Variants in PKP4 observed in about 807,000 individuals in gnomAD.
The protein encoded by PKP4 is plakophilin 4.
Under a neutral mutation model 145.1 loss-of-function variants are expected in PKP4, and 90 were observed. That is an observed-to-expected ratio of 0.62 (90% confidence interval 0.52 to 0.74). The LOEUF (loss-of-function observed/expected upper bound fraction) is 0.74, where lower values mean the gene tolerates loss of function less well. Ranked by LOEUF, PKP4 falls within the 30% of genes least tolerant of loss-of-function variation. The pLI, the probability that PKP4 is intolerant of heterozygous loss-of-function variation, is 0.00. For missense variants in PKP4, 1,340 were observed against 1,482.7 expected (o/e 0.90, Z 1.58); for synonymous variants, 563 against 577.2 (o/e 0.98, Z 0.35).
At chr2:158,530,648 A>C (rs1041468936) in intron 1 of PKP4, among the ~76,000 whole-genome samples, 9 of 151,730 alleles carry the variant, frequency 5.9e-5, no homozygotes, top group Non-Finnish European at 1.2e-4. Flanking sequence ...AAACCTTCAT[A>C]GGTTTATAAC....
At chr2:158,663,243 C>T in intron 14 of PKP4, 29 bp from the exon 15 acceptor site, 1 of 1,602,548 alleles carries the variant, frequency 6.2e-7, no homozygotes, top group Non-Finnish European at 8.5e-7. Flanking sequence ...CATTCTGCCT[C>T]CATTTAACGT....
chr2:158,595,132 A>T (rs1224288538), intron 3 of PKP4, among the ~76,000 whole-genome samples: 1 of 152,208 alleles, frequency 6.6e-6, no homozygotes, highest in Non-Finnish European at 1.5e-5. Flanking sequence ...TTCCCGGGCA[A>T]TCCTTACCTG....
At chr2:158,592,445 A>G (rs1319442925) in intron 3 of PKP4, among the ~76,000 whole-genome samples, 1 of 152,114 alleles carries the variant, frequency 6.6e-6, no homozygotes, top group Admixed American at 6.6e-5. Flanking sequence ...CTTCTGCACT[A>G]AAACAGCTAT....
At chr2:158,612,128 C>CA (rs2051203513) in intron 4 of PKP4, among the ~76,000 whole-genome samples, 1 of 151,834 alleles carries the variant, frequency 6.6e-6, no homozygotes, top group Non-Finnish European at 1.5e-5. Flanking sequence ...CACACACACA[C>CA]ACACATAATG....
chr2:158,584,794 A>G (rs1465253644), intron 3 of PKP4, among the ~76,000 whole-genome samples: 1 of 152,212 alleles, frequency 6.6e-6, no homozygotes, highest in Non-Finnish European at 1.5e-5. Context: ...TCAAAACTAT[A>G]ACTGTTCTTG....
chr2:158,556,017 C>T (rs150444133), intron 2 of PKP4, among the ~76,000 whole-genome samples: 1 of 152,244 alleles, frequency 6.6e-6, no homozygotes, highest in East Asian at 1.9e-4. Flanking sequence ...TCATAATTAA[C>T]AGTGAACGAT....
At chr2:158,482,306 A>G (rs1051082541) in intron 1 of PKP4, among the ~76,000 whole-genome samples, 15 of 152,088 alleles carry the variant, frequency 9.9e-5, no homozygotes, top group Non-Finnish European at 1.8e-4. Context: ...CCCTGCCTCC[A>G]TTCTTTCCCT....
chr2:158,574,076 T>A (rs907367699), intron 2 of PKP4, among the ~76,000 whole-genome samples: 24 of 152,278 alleles, frequency 1.6e-4, no homozygotes, highest in African/African-American at 5.8e-4. Context: ...CTCTTAATTC[T>A]CTCTCAAAGA....
chr2:158,525,982 G>C (rs776357977), intron 1 of PKP4, among the ~76,000 whole-genome samples: 5,492 of 150,992 alleles, frequency 0.036, 230 homozygotes, highest in African/African-American at 0.1. Flanking sequence ...TGAAATTGTG[G>C]CAATAATCAA....
At chr2:158,564,922 T>G (rs1199958798) in intron 2 of PKP4, among the ~76,000 whole-genome samples, 1 of 152,180 alleles carries the variant, frequency 6.6e-6, no homozygotes, top group Non-Finnish European at 1.5e-5. Context: ...TTTATTTGAT[T>G]TGAGAAGAAT....
chr2:158,561,908 C>G (rs1343152540), intron 2 of PKP4, among the ~76,000 whole-genome samples: 1 of 151,742 alleles, frequency 6.6e-6, no homozygotes, highest in Non-Finnish European at 1.5e-5. Flanking sequence ...GGTATTTCTC[C>G]CAATGCCATC....
chr2:158,531,791 A>G (rs1392367292), intron 1 of PKP4, among the ~76,000 whole-genome samples: 2 of 152,214 alleles, frequency 1.3e-5, no homozygotes, highest in African/African-American at 4.8e-5. Flanking sequence ...CCTGCAGTTC[A>G]AAGTCTATCT....
chr2:158,463,419 A>G (rs1690090073), intron 1 of PKP4, among the ~76,000 whole-genome samples: 1 of 152,162 alleles, frequency 6.6e-6, no homozygotes, highest in Non-Finnish European at 1.5e-5. Flanking sequence ...GTTGAAAAAA[A>G]AAAAAAAAAG....
intron 1 of PKP4, among the ~76,000 whole-genome samples, chr2:158,491,525 C>G (rs1694936681): frequency 6.6e-6 from 1 of 151,800 alleles, no homozygotes; most frequent in African/African-American, 2.4e-5. Context: ...TTGTCCATAC[C>G]TTTTGCCCAG....
intron 3 of PKP4, among the ~76,000 whole-genome samples, chr2:158,592,403 T>C (rs886576677): frequency 6.6e-6 from 1 of 152,126 alleles, no homozygotes; most frequent in Non-Finnish European, 1.5e-5. Flanking sequence ...ATCCTGGGTC[T>C]GTGGACTGTC....
intron 1 of PKP4, among the ~76,000 whole-genome samples, chr2:158,531,822 A>G (rs2043578857): frequency 6.6e-6 from 1 of 152,180 alleles, no homozygotes; most frequent in African/African-American, 2.4e-5. Flanking sequence ...TGCCATGAAA[A>G]TGAGAGATTG....
chr2:158,538,534 C>CT (rs11346852), intron 2 of PKP4, among the ~76,000 whole-genome samples: 5,589 of 110,058 alleles, frequency 0.051, 290 homozygotes, highest in African/African-American at 0.061. Flanking sequence ...TCTCTAACCA[C>CT]TTTTTTTTTT....
At chr2:158,466,194 T>A (rs1171974349) in intron 1 of PKP4, among the ~76,000 whole-genome samples, 1 of 152,174 alleles carries the variant, frequency 6.6e-6, no homozygotes, top group Non-Finnish European at 1.5e-5. Context: ...TGAGTTTGAA[T>A]TCTAGTTTTG....
intron 4 of PKP4, among the ~76,000 whole-genome samples, chr2:158,608,647 TA>T (rs898707491): frequency 2.0e-5 from 3 of 152,182 alleles, no homozygotes; most frequent in African/African-American, 7.2e-5. Context: ...ATTTACTTTC[TA>T]ATATTTTAAC....
Sources: allele counts gnomAD v4.1 joint callset (sites outside exome capture counted in the v4.1 genomes callset), GRCh38; gene constraint gnomAD v4.1.1; transcripts MANE v1.5; gene names NCBI Gene and HGNC (gene_info 2026-07-23, HGNC 2026-07-21).